Variants in C13orf42 observed in about 807,000 individuals in gnomAD.
C13orf42 encodes uncharacterized protein C13orf42.
chr13:51,093,442 A>G, intron 1 of C13orf42, among the ~76,000 whole-genome samples: 1 of 152,230 alleles, frequency 6.6e-6, no homozygotes, highest in Non-Finnish European at 1.5e-5. Context: ...GAGTACTTGC[A>G]AAGTGGCTAC....
At chr13:51,146,863 T>G (rs1197347201) in intron 1 of C13orf42, among the ~76,000 whole-genome samples, 1 of 152,188 alleles carries the variant, frequency 6.6e-6, no homozygotes, top group East Asian at 1.9e-4. Flanking sequence ...TTATTTTCCT[T>G]TCACATTGCC....
intron 1 of C13orf42, among the ~76,000 whole-genome samples, chr13:51,123,852 C>T (rs1195332625): frequency 6.6e-6 from 1 of 152,220 alleles, no homozygotes; most frequent in Non-Finnish European, 1.5e-5. Context: ...AGTCCTTGTT[C>T]ATCCCTGGGC....
At chr13:51,131,723 C>T (rs569753195) in intron 1 of C13orf42, among the ~76,000 whole-genome samples, 2 of 152,276 alleles carry the variant, frequency 1.3e-5, no homozygotes, top group South Asian at 2.1e-4. Context: ...GCACTTTATA[C>T]AAATAATCAA....
intron 1 of C13orf42, among the ~76,000 whole-genome samples, chr13:51,168,691 T>C (rs1274530689): frequency 6.6e-6 from 1 of 152,216 alleles, no homozygotes; most frequent in African/African-American, 2.4e-5. Context: ...CTAATATGGT[T>C]TGAATGTCTG....
Position 51,168,893 on chromosome 13 carries a change from T to C in C13orf42, n.136+3360A>G, listed in dbSNP as rs575775836. On this transcript the variant is annotated intron_variant and non_coding_transcript_variant, in intron 1 of 4. Coordinates refer to the C13orf42 transcript ENST00000433280. ...CTCTCTCTTCCTCCTTCTCTCGCCA[T>C]CTAAGATAAGCCTCTTTCCTCTTTG... Among the ~76,000 whole-genome samples, 3 of 152,292 alleles carry C rather than the reference T, an allele frequency of 2.0e-5. No individual in the cohort carries two copies. In the South Asian group the frequency reaches 6.2e-4, roughly 32 times the overall value.
At chr13:51,097,972 A>G (rs953714332) in intron 1 of C13orf42, among the ~76,000 whole-genome samples, 2 of 151,958 alleles carry the variant, frequency 1.3e-5, no homozygotes, top group African/African-American at 4.8e-5. Flanking sequence ...CCATGGCCTT[A>G]GGGTTATCAT....
rs190068214 is a variant in C13orf42, at chr13:51,155,792, G to A, written n.136+16461C>T. Among the ~76,000 whole-genome samples, 11 of 152,338 alleles carry A rather than the reference G, an allele frequency of 7.2e-5. No homozygotes were observed. In the East Asian group the frequency reaches 1.9e-3, roughly 27 times the overall value. ...CTTCCAAGTCTTGACTTCTGGGGAAGAGACTCTGGTCAGGCATCACAGGTG... is the reference window on the plus strand; with the variant it reads ...CTTCCAAGTCTTGACTTCTGGGGAAAAGACTCTGGTCAGGCATCACAGGTG... On this transcript the variant is annotated intron_variant and non_coding_transcript_variant, in intron 1 of 4. Coordinates refer to the C13orf42 transcript ENST00000433280.
chr13:51,137,462 C>A (rs554001855), intron 1 of C13orf42, among the ~76,000 whole-genome samples: 5 of 152,242 alleles, frequency 3.3e-5, no homozygotes, highest in South Asian at 2.1e-4. Flanking sequence ...TCTATGCTGT[C>A]CCTCCCTGAA....
At chr13:51,113,885 T>A (rs1953459987), upstream of C13orf42, among the ~76,000 whole-genome samples, 1 of 152,176 alleles carries the variant, frequency 6.6e-6, no homozygotes, top group Non-Finnish European at 1.5e-5. Context: ...CCCCTCCACA[T>A]CAGCCCCACT....
At chr13:51,097,235 A>G (rs892472959) in intron 1 of C13orf42, among the ~76,000 whole-genome samples, 3 of 152,166 alleles carry the variant, frequency 2.0e-5, no homozygotes, top group African/African-American at 7.2e-5. Context: ...GTCTTGTCAT[A>G]TGTCATTTTG....
intron 1 of C13orf42, among the ~76,000 whole-genome samples, chr13:51,119,717 A>T (rs528584536): frequency 6.6e-6 from 1 of 152,270 alleles, no homozygotes; most frequent in East Asian, 1.9e-4. Context: ...ATTCATAGAG[A>T]CAGAAAGAAT....
intron 1 of C13orf42, among the ~76,000 whole-genome samples, chr13:51,138,651 G>A (rs770432818): frequency 8.4e-4 from 128 of 152,302 alleles, no homozygotes; most frequent in Non-Finnish European, 1.1e-3. Flanking sequence ...ATGCAAAATG[G>A]TATAGCTTCT....
At chr13:51,164,393 G>A (rs1953889697) in intron 1 of C13orf42, among the ~76,000 whole-genome samples, 1 of 152,208 alleles carries the variant, frequency 6.6e-6, no homozygotes, top group Non-Finnish European at 1.5e-5. Context: ...CAGGCACGGT[G>A]GCTCATGCCT....
chr13:51,147,204 C>T (rs968615987), intron 1 of C13orf42, among the ~76,000 whole-genome samples: 1 of 149,024 alleles, frequency 6.7e-6, no homozygotes, highest in African/African-American at 2.5e-5. Flanking sequence ...ACACATTGCT[C>T]TCAGACCTTG....
chr13:51,114,233 T>A (rs541796036), upstream of C13orf42, among the ~76,000 whole-genome samples: 1 of 152,184 alleles, frequency 6.6e-6, no homozygotes, highest in South Asian at 2.1e-4. Context: ...TTACTCAGAG[T>A]TTGAATCACA....
Position 51,111,188 on chromosome 13 carries a change from T to C in C13orf42, c.22A>G (p.Ile8Val). The C allele has an allele frequency of 2.5e-6, 1 of 398,604 alleles. No homozygotes were observed. The highest frequency in any genetic ancestry group is 4.4e-6 in the Non-Finnish European group (1 of 226,064). The allele number at this position is 398,604 out of a possible 1,614,324, so 24.7% of individuals were successfully genotyped here. The change falls in exon 1 of 4, where the codon ATC (isoleucine) becomes GTC (valine). Residue 8 changes from isoleucine to valine, a missense_variant. Transcript: ENST00000563710. ...TTTCTCTGTGGGCTGGAGTTAAAGATGGAGTGGATCTTTCTGAACATAGTG... is the reference window on the plus strand; with the variant it reads ...TTTCTCTGTGGGCTGGAGTTAAAGACGGAGTGGATCTTTCTGAACATAGTG... MFRKIHS[I>V]FNSSPQRKTA...
rs1161394614 is a variant in C13orf42 at position 51,147,945 on chromosome 13, G to T, written n.136+24308C>A. Among the ~76,000 whole-genome samples, 6 of 148,924 alleles carry T rather than the reference G, an allele frequency of 4.0e-5. No individual in the cohort carries two copies. The East Asian group carries it at 1.2e-3, about 29-fold the overall frequency. On this transcript the variant is annotated intron_variant and non_coding_transcript_variant, in intron 1 of 4. Coordinates refer to the C13orf42 transcript ENST00000433280. ...GAGGGCTTGAGAAGCCCCGGATTAG[G>T]GGATCTGCAAGGGCCTCCTATGTCT...
Position 51,084,080 on chromosome 13 carries a change from C to T in C13orf42, c.*71G>A. 1 of 398,244 alleles carries T rather than the reference C, an allele frequency of 2.5e-6. No homozygotes were observed. Among genetic ancestry groups the T allele is most frequent in the East Asian group, 3.6e-5 (1 of 28,080 alleles). The allele number at this position is 398,244 out of a possible 1,614,324, so 24.7% of individuals were successfully genotyped here. A position where few individuals can be genotyped will look rare whatever the true frequency, so the allele number is the denominator to read the frequency against. ...TGGCATTTTCAACTCTACCAAATACCTCATGCTGCGCTGAAAGCGGACAGC... is the reference window on the plus strand; with the variant it reads ...TGGCATTTTCAACTCTACCAAATACTTCATGCTGCGCTGAAAGCGGACAGC... On this transcript the variant is annotated 3_prime_UTR_variant, in exon 4 of 4. Transcript: ENST00000563710.
upstream of C13orf42, among the ~76,000 whole-genome samples, chr13:51,112,165 G>A (rs1234745544): frequency 6.6e-6 from 1 of 152,130 alleles, no homozygotes; most frequent in Non-Finnish European, 1.5e-5. Context: ...TTGTTATTTT[G>A]TTCATTCTTC....
Sources: gnomAD v4.1 joint callset for allele counts (sites outside exome capture counted in the v4.1 genomes callset) on GRCh38, gnomAD v4.1.1 for gene constraint, MANE v1.5 for transcripts, NCBI Gene and HGNC (gene_info 2026-07-23, HGNC 2026-07-21) for gene names.